Variants in SYNE2 observed in about 807,000 individuals in gnomAD.
The protein encoded by SYNE2 is nesprin-2.
In SYNE2, 431 loss-of-function variants were observed where a neutral mutation model predicts 856.3. The ratio of observed to expected loss-of-function variants is 0.50; its 90% CI spans 0.47 to 0.55. The LOEUF is 0.55. Ranked by LOEUF, SYNE2 falls within the 20% of genes least tolerant of loss-of-function variation. SYNE2 has a pLI of 0.00. For missense variants in SYNE2, 8,129 were observed against 8,023.2 expected (o/e 1.01, Z -0.50); for synonymous variants, 2,923 against 2,872.3 (o/e 1.02, Z -0.56).
At chr14:64,051,402 C>G (rs938649158) in intron 47 of SYNE2, among the ~76,000 whole-genome samples, 155 bp from the exon 48 acceptor site, 1 of 151,384 alleles carries the variant, frequency 6.6e-6, no homozygotes, top group African/African-American at 2.4e-5. Flanking sequence ...AAACAAGATT[C>G]TGATTTTTAT....
At position 63,937,173 on chromosome 14, in the gene SYNE2, A is replaced by T. The variant is rs1389648040; in HGVS notation, c.80-3441A>T. Among the ~76,000 whole-genome samples the T allele has an allele frequency of 2.0e-5, 3 of 152,082 alleles. No homozygotes were observed. The East Asian group carries it at 5.8e-4, about 29-fold the overall frequency. On this transcript the variant is annotated intron_variant, in intron 2 of 115. Coordinates refer to ENST00000555002, the MANE Select transcript of SYNE2 (RefSeq NM_182914.3). ...AAGCTGTTTCAGTCGAATGGCAGGGACCTAATCGGTATGGGTTCAGTTAAG... is the reference window on the plus strand; with the variant it reads ...AAGCTGTTTCAGTCGAATGGCAGGGTCCTAATCGGTATGGGTTCAGTTAAG...
At chr14:63,945,603 ATTTG>A (rs750105723) in intron 6 of SYNE2, among the ~76,000 whole-genome samples, 9 of 151,540 alleles carry the variant, frequency 5.9e-5, no homozygotes, top group Admixed American at 6.6e-5. Flanking sequence ...CAGTTTTTTT[ATTTG>A]TTTGTTTTTT....
rs769968000 is a variant in SYNE2 at position 64,053,489 on chromosome 14, T to G, written c.9576T>G (p.Cys3192Trp). 5 of 1,614,194 alleles carry G rather than the reference T, an allele frequency of 3.1e-6. No individual in the cohort carries two copies. The highest frequency in any genetic ancestry group is 4.2e-6 in the Non-Finnish European group (5 of 1,180,032). The part of the protein sequence containing the change: ...IKHIQNEKDN[C>W]EAFQEQVWAE... ...ATATTCAAAATGAAAAGGACAATTGTGAAGCATTTCAGGAGCAAGTTTGGG... is the reference window on the plus strand; with the variant it reads ...ATATTCAAAATGAAAAGGACAATTGGGAAGCATTTCAGGAGCAAGTTTGGG... The change falls in exon 48 of 116, where the codon TGT becomes TGG. Residue 3192 changes from cysteine (C) to tryptophan (W), a missense_variant. Coordinates refer to ENST00000555002, the MANE Select transcript of SYNE2 (RefSeq NM_182914.3).
rs934515158 is a variant in SYNE2, at chr14:64,025,162, A to C, written c.5993A>C (p.Asn1998Thr). ...EQFESVAQLN[N>T]SLKEYGFTEE... Reference sequence around the variant, plus strand: ...TTTGAATCTGTGGCCCAATTGAACAACTCTTTGAAGGAATATGGGTTTACT... The same window carrying C: ...TTTGAATCTGTGGCCCAATTGAACACCTCTTTGAAGGAATATGGGTTTACT... The change falls in exon 41 of 116, where the codon AAC (asparagine) becomes ACC (threonine). Residue 1998 changes from asparagine to threonine, a missense_variant. Transcript: ENST00000555002. 4.3e-6 allele frequency: 7 copies of C among 1,613,964 alleles called. No individual in the cohort carries two copies. Among genetic ancestry groups the C allele is most frequent in the Non-Finnish European group, 5.9e-6 (7 of 1,179,992 alleles).
In SYNE2 at chr14:64,127,363, C is replaced by T. The variant is rs148441393; in HGVS notation, c.13917+556C>T. 4.8e-3 allele frequency among the ~76,000 whole-genome samples: 722 copies of T among 151,792 alleles called. 4 individuals carry two copies. Among genetic ancestry groups the T allele is most frequent in the African/African-American group, 0.016 (670 of 41,372 alleles). On this transcript the variant is annotated intron_variant, in intron 73 of 115. Coordinates refer to ENST00000555002, the MANE Select transcript of SYNE2 (RefSeq NM_182914.3). Reference sequence around the variant, plus strand: ...GCCTAGGTAGGTGGATTGCTTGAGCCCAGGAGTTCAAGACCAGCCTGGGCA... The same window carrying T: ...GCCTAGGTAGGTGGATTGCTTGAGCTCAGGAGTTCAAGACCAGCCTGGGCA...
intron 41 of SYNE2, 147 bp from the exon 42 acceptor site, chr14:64,026,432 C>G (rs906678162): frequency 3.0e-6 from 2 of 673,334 alleles, no homozygotes; most frequent in African/African-American, 1.8e-5. Flanking sequence ...ATATCTTTGT[C>G]TTTCGGGTAC....
chr14:64,053,715 C>A lies in SYNE2; in HGVS notation c.9744+58C>A. ...GGTGCGGGGGCTCACGCCTGTAATC[C>A]CAGCATTTTGGGAGGCCAAGGCTGG... On this transcript the variant is annotated intron_variant, in intron 48 of 115. Coordinates refer to ENST00000555002, the MANE Select transcript of SYNE2 (RefSeq NM_182914.3). The A allele has an allele frequency of 3.2e-6, 5 of 1,556,428 alleles. No individual in the cohort carries two copies. The South Asian group carries it at 3.6e-5, about 11-fold the overall frequency.
intron 2 of SYNE2, among the ~76,000 whole-genome samples, chr14:63,918,999 GATGTCTTCAAA>G (rs1242951443): frequency 6.6e-6 from 1 of 152,130 alleles, no homozygotes; most frequent in Non-Finnish European, 1.5e-5. Context: ...AGGGGGTTTT[GATGTCTTCAAA>G]ATAGCATATT....
chr14:63,956,726 C>G (rs2153439317), intron 8 of SYNE2, among the ~76,000 whole-genome samples: 1 of 152,046 alleles, frequency 6.6e-6, no homozygotes, highest in African/African-American at 2.4e-5. Flanking sequence ...CATGTACAGA[C>G]TTTTTTCTTG....
chr14:63,971,620 A>G (rs2096478514), intron 11 of SYNE2, among the ~76,000 whole-genome samples: 1 of 151,728 alleles, frequency 6.6e-6, no homozygotes, highest in Admixed American at 6.6e-5. Context: ...TATTTTAAGG[A>G]AATTAAATGA....
At chr14:63,782,909 T>C (rs1887368879) in intron 1 of SYNE2, among the ~76,000 whole-genome samples, 1 of 152,084 alleles carries the variant, frequency 6.6e-6, no homozygotes, top group Non-Finnish European at 1.5e-5. Context: ...AAATATTAAT[T>C]AATATAAAAT....
chr14:63,837,437 A>T (rs1326873032), intron 1 of SYNE2, among the ~76,000 whole-genome samples: 1 of 152,218 alleles, frequency 6.6e-6, no homozygotes, highest in South Asian at 2.1e-4. Context: ...AGAAAAAAAT[A>T]GATAAATTGG....
chr14:63,849,297 T>G (rs908747826), upstream of SYNE2, among the ~76,000 whole-genome samples: 1 of 147,074 alleles, frequency 6.8e-6, no homozygotes, highest in Non-Finnish European at 1.5e-5. Context: ...AGTAACATAG[T>G]AATGCAATAG....
chr14:64,119,448 C>T lies in SYNE2; in HGVS notation c.12862C>T (p.His4288Tyr). The T allele has an allele frequency of 6.2e-6, 10 of 1,614,176 alleles. No individual in the cohort carries two copies. The highest frequency in any genetic ancestry group is 1.3e-5 in the African/African-American group (1 of 75,038). The stretch of plus-strand genomic sequence containing the variant: ...CTAGGCTATGCTAACAGAGATTGAG[C>T]ACAAGGTTGCCTTTCTGTTAGAGAC... ...GCQAMLTEIE[H>Y]KVAFLLETCK... is the part of the protein sequence containing the mutation. Residue 4288 changes from histidine to tyrosine, a missense_variant, in exon 67 of 116, where the codon CAC becomes TAC. Physicochemically the swap from His to Tyr is moderately conservative, Grantham distance 83 (BLOSUM62 2). This residue lies in a region of SYNE2 where 5,410 missense variants were observed against 5,284.8 expected (regional missense o/e 1.02). Transcript: ENST00000555002.
At chr14:63,801,003 T>C (rs1321241845) in intron 1 of SYNE2, among the ~76,000 whole-genome samples, 2 of 152,220 alleles carry the variant, frequency 1.3e-5, no homozygotes, top group Non-Finnish European at 2.9e-5. Flanking sequence ...CATTTCTCTA[T>C]TCAAGGAATT....
At position 64,132,118 on chromosome 14, in the gene SYNE2, T is replaced by C; in HGVS notation, c.14341-147T>C. On this transcript the variant is annotated intron_variant, in intron 76 of 115. Transcript: ENST00000555002. ...CTAGCTAATTTTTGTATTGCCATCTTGGCCAGGCTGGTCAATTTGACTCTA... is the reference window on the plus strand; with the variant it reads ...CTAGCTAATTTTTGTATTGCCATCTCGGCCAGGCTGGTCAATTTGACTCTA... 3.5e-6 allele frequency: 3 copies of C among 868,838 alleles called. No individual in the cohort carries two copies. In the South Asian group the frequency reaches 5.0e-5, roughly 15 times the overall value. The allele number at this position is 868,838 out of a possible 1,614,324, so 53.8% of individuals were successfully genotyped here.
chr14:64,121,186 T>C (rs1351866926), intron 68 of SYNE2, 125 bp downstream of exon 68: 1 of 1,366,200 alleles, frequency 7.3e-7, no homozygotes, highest in East Asian at 2.4e-5. Flanking sequence ...GGCCAGGTGT[T>C]CGAGGCCAGC....
At chr14:63,837,484 ACAT>A (rs1385526090) in intron 1 of SYNE2, among the ~76,000 whole-genome samples, 2 of 152,256 alleles carry the variant, frequency 1.3e-5, no homozygotes, top group Admixed American at 6.5e-5. Context: ...ACTTCAAAGG[ACAT>A]CATCAATACA....
intron 2 of SYNE2, among the ~76,000 whole-genome samples, chr14:63,925,856 T>TC (rs1191756191): frequency 6.6e-6 from 1 of 152,166 alleles, no homozygotes; most frequent in Non-Finnish European, 1.5e-5. Context: ...TCCTTTTTTT[T>TC]CTTTCCTTCT....
Sources: allele counts gnomAD v4.1 joint callset (sites outside exome capture counted in the v4.1 genomes callset), GRCh38; gene constraint gnomAD v4.1.1; regional missense constraint gnomAD v4.1.1; transcripts MANE v1.5; gene names NCBI Gene and HGNC (gene_info 2026-07-23, HGNC 2026-07-21).